Variants in DOK6 observed in about 807,000 individuals in gnomAD.
The protein encoded by DOK6 is docking protein 6, also known as downstream of tyrosine kinase 6.
DOK6 carries 22 observed loss-of-function variants against 44.0 expected under a neutral mutation model. That is an observed-to-expected ratio of 0.50 (90% CI 0.36 to 0.71). The LOEUF (loss-of-function observed/expected upper bound fraction) is 0.71. Among genes scored for constraint, DOK6 ranks in the 30% least tolerant of loss-of-function variants. DOK6 has a pLI of 0.00. For missense variants in DOK6, 340 were observed against 416.4 expected (o/e 0.82, Z 1.60); for synonymous variants, 166 against 145.5 (o/e 1.14, Z -1.01).
intron 1 of DOK6, among the ~76,000 whole-genome samples, chr18:69,557,215 T>C (rs753600889): frequency 6.6e-6 from 1 of 152,190 alleles, no homozygotes; most frequent in East Asian, 1.9e-4. Context: ...CAATTGACTC[T>C]CAGGTTTGAC....
chr18:69,554,047 G>A lies in DOK6; in HGVS notation c.67-10440G>A, dbSNP rs112144506. Among the ~76,000 whole-genome samples the A allele has an allele frequency of 2.2e-3, 332 of 152,136 alleles. 1 individual carries two copies. The highest frequency in any genetic ancestry group is 7.6e-3 in the African/African-American group (314 of 41,500). On this transcript the variant is annotated intron_variant, in intron 1 of 7. Coordinates refer to ENST00000382713, the MANE Select transcript of DOK6 (RefSeq NM_152721.6). ...TCTTACAAATAGGGAGCAATAATAA[G>A]GAGAAAACCAAAAATGGGTCGCATA...
chr18:69,469,310 A>G (rs1308041895), intron 1 of DOK6, among the ~76,000 whole-genome samples: 3 of 152,240 alleles, frequency 2.0e-5, no homozygotes, highest in Non-Finnish European at 2.9e-5. Context: ...ACAAGTTTAA[A>G]TAAGAATGCT....
At position 69,847,269 on chromosome 18, in the gene DOK6, T is replaced by G. The variant is rs1262036191; in HGVS notation, c.*5886T>G. 6.6e-6 allele frequency: 1 copy of G among 152,214 alleles called. No homozygotes were observed. The highest frequency in any genetic ancestry group is 1.5e-5 in the Non-Finnish European group (1 of 68,040). The allele number at this position is 152,214 out of a possible 1,614,324, so 9.4% of individuals were successfully genotyped here. On this transcript the variant is annotated 3_prime_UTR_variant, in exon 8 of 8. Transcript: ENST00000382713. ...CAGTTGAAACAATTAAGTTCCTCACTCTTTCCTGCTTTTAGGATGATTTTA... is the reference window on the plus strand; with the variant it reads ...CAGTTGAAACAATTAAGTTCCTCACGCTTTCCTGCTTTTAGGATGATTTTA...
rs147745761 is a variant in DOK6, at chr18:69,442,490, G to A, written c.66+41180G>A. On this transcript the variant is annotated intron_variant, in intron 1 of 7. Coordinates refer to ENST00000382713, the MANE Select transcript of DOK6 (RefSeq NM_152721.6). ...CCCTTATAAAACCATCAGACGTTGT[G>A]AGAACTCACTCACTATCAGAGAACA... Among the ~76,000 whole-genome samples, 77 of 152,212 alleles carry A rather than the reference G, an allele frequency of 5.1e-4. 1 individual carries two copies. In the East Asian group the frequency reaches 0.015, roughly 29 times the overall value.
At chr18:69,589,677 G>A (rs1983581608) in intron 2 of DOK6, among the ~76,000 whole-genome samples, 1 of 152,100 alleles carries the variant, frequency 6.6e-6, no homozygotes, top group African/African-American at 2.4e-5. Context: ...AGTAAGATCT[G>A]CATTGAGTGG....
chr18:69,517,167 GAAGACCCCT>G (rs968939450), intron 1 of DOK6, among the ~76,000 whole-genome samples: 1 of 152,120 alleles, frequency 6.6e-6, no homozygotes, highest in African/African-American at 2.4e-5. Flanking sequence ...AATACTCTCT[GAAGACCCCT>G]AAGTCAGAAT....
At chr18:69,408,413 A>G (rs560210605) in intron 1 of DOK6, among the ~76,000 whole-genome samples, 58 of 151,150 alleles carry the variant, frequency 3.8e-4, no homozygotes, top group Middle Eastern at 3.4e-3. Flanking sequence ...ATTGATGCCA[A>G]ACACAAATTC....
chr18:69,645,542 TG>T (rs1375970113), intron 3 of DOK6, among the ~76,000 whole-genome samples: 3 of 152,158 alleles, frequency 2.0e-5, no homozygotes, highest in Non-Finnish European at 4.4e-5. Context: ...ATTTTCACAT[TG>T]GCTTACTGGG....
chr18:69,626,959 T>C (rs1984569942), intron 3 of DOK6, among the ~76,000 whole-genome samples: 1 of 150,708 alleles, frequency 6.6e-6, no homozygotes, highest in African/African-American at 2.5e-5. Context: ...CAAGGACTGG[T>C]GAGAGGGGTC....
chr18:69,663,833 G>C (rs959018789), intron 3 of DOK6, among the ~76,000 whole-genome samples: 2 of 152,098 alleles, frequency 1.3e-5, no homozygotes, highest in African/African-American at 4.8e-5. Flanking sequence ...TGGAATGTGC[G>C]GCTATTTAGT....
chr18:69,565,915 A>G (rs540836095), intron 2 of DOK6, among the ~76,000 whole-genome samples: 1 of 152,226 alleles, frequency 6.6e-6, no homozygotes. Context: ...AACTATGATT[A>G]TGACTTTGGC....
chr18:69,483,348 C>T (rs554271636), intron 1 of DOK6, among the ~76,000 whole-genome samples: 43 of 151,998 alleles, frequency 2.8e-4, no homozygotes, highest in Admixed American at 2.8e-3. Context: ...AAGCTGAGAG[C>T]CAAATCAGGA....
chr18:69,752,809 C>T (rs1979227215), intron 6 of DOK6, among the ~76,000 whole-genome samples: 1 of 152,130 alleles, frequency 6.6e-6, no homozygotes, highest in Non-Finnish European at 1.5e-5. Context: ...CATAGGTTTC[C>T]CTGGTCCCCT....
intron 1 of DOK6, among the ~76,000 whole-genome samples, chr18:69,458,126 C>T (rs559842768): frequency 1.3e-5 from 2 of 152,318 alleles, no homozygotes; most frequent in South Asian, 4.1e-4. Flanking sequence ...CCATTGCACT[C>T]CAGCCTGGGC....
chr18:69,592,284 C>A (rs190413159), intron 2 of DOK6, among the ~76,000 whole-genome samples: 3 of 150,454 alleles, frequency 2.0e-5, no homozygotes, highest in African/African-American at 7.3e-5. Flanking sequence ...GTCATGTCTA[C>A]AAAGAAGTGG....
chr18:69,524,203 G>A (rs1418078414), intron 1 of DOK6, among the ~76,000 whole-genome samples: 3 of 151,852 alleles, frequency 2.0e-5, no homozygotes, highest in Admixed American at 2.0e-4. Context: ...AGACAATTTG[G>A]ACAATTTTGC....
At chr18:69,624,356 A>G (rs540112505) in intron 3 of DOK6, among the ~76,000 whole-genome samples, 1 of 152,286 alleles carries the variant, frequency 6.6e-6, no homozygotes, top group African/African-American at 2.4e-5. Context: ...AGATATAGCA[A>G]AATTTTGCAG....
chr18:69,543,060 G>C (rs1329318526), intron 1 of DOK6, among the ~76,000 whole-genome samples: 2 of 151,424 alleles, frequency 1.3e-5, no homozygotes, highest in South Asian at 2.1e-4. Flanking sequence ...TGAAGTAGAG[G>C]GTTCTTCACT....
chr18:69,750,539 G>A (rs959704162), intron 6 of DOK6, among the ~76,000 whole-genome samples: 9 of 152,078 alleles, frequency 5.9e-5, no homozygotes, highest in Non-Finnish European at 1.3e-4. Flanking sequence ...CTTCTCATAC[G>A]CATCAGAATG....
Sources: allele counts gnomAD v4.1 joint callset (sites outside exome capture counted in the v4.1 genomes callset), GRCh38; gene constraint gnomAD v4.1.1; transcripts MANE v1.5; gene names NCBI Gene and HGNC (gene_info 2026-07-23, HGNC 2026-07-21).